EFCAB6: variants seen among roughly 807,000 people sequenced by gnomAD.
EFCAB6 encodes EF-hand calcium-binding domain-containing protein 6.
EFCAB6 carries 156 observed loss-of-function variants against 169.8 expected under a neutral mutation model. That is an observed-to-expected ratio of 0.92 (90% CI 0.81 to 1.05). EFCAB6 has a LOEUF of 1.05. Ranked by LOEUF, EFCAB6 falls within the 50% of genes least tolerant of loss-of-function variation. EFCAB6 has a pLI of 0.00. For missense variants in EFCAB6, 1,800 were observed against 1,829.1 expected (o/e 0.98, Z 0.29); for synonymous variants, 698 against 676.4 (o/e 1.03, Z -0.50).
At chr22:43,760,805 G>C (rs190018121) in intron 5 of EFCAB6, among the ~76,000 whole-genome samples, 1 of 152,264 alleles carries the variant, frequency 6.6e-6, no homozygotes, top group East Asian at 1.9e-4. Context: ...TAGGACCACA[G>C]GCACGCGCCA....
intron 2 of EFCAB6, among the ~76,000 whole-genome samples, chr22:43,789,473 G>GA (rs2062196272): frequency 6.6e-6 from 1 of 152,032 alleles, no homozygotes; most frequent in African/African-American, 2.4e-5. Context: ...ATGATTTAAA[G>GA]ACCTTAGGGG....
At chr22:43,689,076 C>A (rs2058306345) in intron 10 of EFCAB6, among the ~76,000 whole-genome samples, 1 of 152,146 alleles carries the variant, frequency 6.6e-6, no homozygotes, top group Non-Finnish European at 1.5e-5. Flanking sequence ...TCACCTGAAG[C>A]CTTGTTCCAC....
chr22:43,672,171 A>G (rs1360424672), intron 14 of EFCAB6, 38 bp from the exon 15 acceptor site: 5 of 1,613,420 alleles, frequency 3.1e-6, no homozygotes, highest in African/African-American at 1.3e-5. Context: ...TAAGCCATAC[A>G]TCTGTAACCT....
chr22:43,797,582 C>T (rs1309480678), intron 2 of EFCAB6, among the ~76,000 whole-genome samples: 6 of 152,020 alleles, frequency 3.9e-5, no homozygotes, highest in African/African-American at 1.4e-4. Flanking sequence ...CATCACTTCT[C>T]TTTTCATGTC....
At chr22:43,745,093 T>G (rs1161743643) in intron 6 of EFCAB6, among the ~76,000 whole-genome samples, 2 of 152,202 alleles carry the variant, frequency 1.3e-5, no homozygotes, top group African/African-American at 4.8e-5. Context: ...CTGCTTCATA[T>G]TTGTACCCCA....
intron 21 of EFCAB6, among the ~76,000 whole-genome samples, chr22:43,612,550 A>T (rs1289033693): frequency 6.6e-6 from 1 of 152,200 alleles, no homozygotes; most frequent in Non-Finnish European, 1.5e-5. Context: ...GAGAAATGCA[A>T]ATCAAAACCA....
chr22:43,696,189 A>C (rs1569405504), intron 10 of EFCAB6, among the ~76,000 whole-genome samples: 1 of 152,146 alleles, frequency 6.6e-6, no homozygotes, highest in Admixed American at 6.5e-5. Context: ...ATGGCCAATA[A>C]TCACATAAAA....
chr22:43,807,336 T>C (rs2062957176), intron 2 of EFCAB6, among the ~76,000 whole-genome samples: 1 of 152,192 alleles, frequency 6.6e-6, no homozygotes, highest in African/African-American at 2.4e-5. Context: ...TTTGAGACAT[T>C]AATGAATGTG....
chr22:43,657,532 T>A (rs1404708885), intron 17 of EFCAB6, among the ~76,000 whole-genome samples: 1 of 151,792 alleles, frequency 6.6e-6, no homozygotes, highest in African/African-American at 2.4e-5. Flanking sequence ...TATAAAACAT[T>A]TTGAATGAAA....
intron 29 of EFCAB6, chr22:43,536,256 G>A (rs1005452152): frequency 6.6e-6 from 1 of 151,972 alleles, no homozygotes; most frequent in Non-Finnish European, 1.5e-5. Context: ...TCAGCAAAAC[G>A]TTACATTAAA....
chr22:43,599,887 T>C (rs2052365360), intron 23 of EFCAB6, among the ~76,000 whole-genome samples, 182 bp downstream of exon 23: 1 of 152,220 alleles, frequency 6.6e-6, no homozygotes, highest in Admixed American at 6.5e-5. Flanking sequence ...GAATGGGCTA[T>C]AGCTTTTCAA....
At chr22:43,651,454 C>T (rs1472219727) in intron 17 of EFCAB6, among the ~76,000 whole-genome samples, 1 of 152,368 alleles carries the variant, frequency 6.6e-6, no homozygotes, top group East Asian at 1.9e-4. Context: ...GATGTCTAAG[C>T]AGAAGTTTGC....
chr22:43,605,920 G>T (rs2052887552), intron 22 of EFCAB6, among the ~76,000 whole-genome samples: 1 of 152,130 alleles, frequency 6.6e-6, no homozygotes, highest in South Asian at 2.1e-4. Flanking sequence ...CTAATGAAGT[G>T]AAATAAAAAT....
At chr22:43,647,664 G>C (rs118014501) in intron 17 of EFCAB6, among the ~76,000 whole-genome samples, 2,037 of 152,348 alleles carry the variant, frequency 0.013, 25 homozygotes, top group Admixed American at 0.026. Flanking sequence ...GATGAGAGTA[G>C]TACCTCACCC....
chr22:43,811,231 G>C (rs1240962654), intron 1 of EFCAB6, among the ~76,000 whole-genome samples: 2 of 147,284 alleles, frequency 1.4e-5, no homozygotes, highest in Non-Finnish European at 3.0e-5. Flanking sequence ...AGTGAGCTGG[G>C]ATCGCTGCAC....
At chr22:43,611,943 G>A (rs2147666176) in intron 21 of EFCAB6, among the ~76,000 whole-genome samples, 1 of 152,296 alleles carries the variant, frequency 6.6e-6, no homozygotes, top group African/African-American at 2.4e-5. Context: ...AAACAGTATG[G>A]TACTGGTACA....
chr22:43,782,363 G>A, intron 2 of EFCAB6, 38 bp from the exon 3 acceptor site: 8 of 1,592,130 alleles, frequency 5.0e-6, no homozygotes, highest in Non-Finnish European at 6.9e-6. Context: ...TTACCTTAAA[G>A]AGCATACATT....
Position 43,590,181 on chromosome 22 carries a change from T to A in EFCAB6, c.2925A>T (p.Lys975Asn), listed in dbSNP as rs1412972726. 1 of 1,614,146 alleles carries A rather than the reference T, an allele frequency of 6.2e-7. No homozygotes were observed. Among genetic ancestry groups the A allele is most frequent in the Admixed American group, 1.7e-5 (1 of 60,024 alleles). Residue 975 changes from lysine (K) to asparagine (N), a missense_variant, in exon 24 of 32, where the codon AAA becomes AAT. Transcript: ENST00000262726. The part of the protein sequence containing the change: ...RHQDISKAFT[K>N]TDQSKTNYIS... Reference sequence around the variant, plus strand: ...TGTAGTTGGTTTTGGATTGATCAGTTTTGGTGAATGCTTTGCTGATATCTT... The same window carrying A: ...TGTAGTTGGTTTTGGATTGATCAGTATTGGTGAATGCTTTGCTGATATCTT...
At chr22:43,710,270 C>T (rs781552851) in intron 10 of EFCAB6, among the ~76,000 whole-genome samples, 7 of 152,194 alleles carry the variant, frequency 4.6e-5, no homozygotes, top group Non-Finnish European at 8.8e-5. Flanking sequence ...GTTTGTCATA[C>T]CACAAAGCAA....
Sources: allele counts gnomAD v4.1 joint callset (sites outside exome capture counted in the v4.1 genomes callset), GRCh38; gene constraint gnomAD v4.1.1; transcripts MANE v1.5; gene names NCBI Gene and HGNC (gene_info 2026-07-23, HGNC 2026-07-21).